Variants in GRID2 observed in about 807,000 individuals in gnomAD.
GRID2 encodes glutamate ionotropic receptor delta type subunit 2.
GRID2 carries 33 observed loss-of-function variants against 114.8 expected under a neutral mutation model. The observed-to-expected ratio is 0.29, with a 90% CI of 0.22 to 0.38. The LOEUF is 0.38. GRID2 is among the 10% of genes least tolerant of loss of function. GRID2 has a pLI of 1.00. For synonymous variants in GRID2, 505 were observed against 449.9 expected (o/e 1.12, Z -1.55); for missense variants, 1,184 against 1,257.7 (o/e 0.94, Z 0.89).
intron 2 of GRID2, among the ~76,000 whole-genome samples, chr4:92,644,784 TTC>T (rs1389202184): frequency 6.6e-6 from 1 of 151,602 alleles, no homozygotes; most frequent in Non-Finnish European, 1.5e-5. Flanking sequence ...CAAATAAACT[TTC>T]TCAAATTTAT....
intron 9 of GRID2, among the ~76,000 whole-genome samples, chr4:93,404,259 C>T (rs1046749383): frequency 6.6e-6 from 1 of 152,084 alleles, no homozygotes; most frequent in African/African-American, 2.4e-5. Flanking sequence ...TGACAGCTAA[C>T]AAGAGTGGCA....
At chr4:92,827,849 GTTTTCTTTCTTT>G (rs1297139022) in intron 2 of GRID2, among the ~76,000 whole-genome samples, 2 of 151,960 alleles carry the variant, frequency 1.3e-5, no homozygotes, top group African/African-American at 2.4e-5. Flanking sequence ...ATTGCTGACA[GTTTTCTTTCTTT>G]TTTAAACTTG....
chr4:93,140,545 A>G (rs146247151), intron 4 of GRID2, among the ~76,000 whole-genome samples: 2 of 152,222 alleles, frequency 1.3e-5, no homozygotes, highest in East Asian at 1.9e-4. Context: ...TATTCCTCCA[A>G]TGTATACAGT....
chr4:92,592,838 C>T (rs147588348), intron 2 of GRID2, among the ~76,000 whole-genome samples: 12 of 150,988 alleles, frequency 7.9e-5, no homozygotes, highest in African/African-American at 2.7e-4. Context: ...TTTTGTAAAA[C>T]GGTGGCTTGA....
At chr4:92,478,795 C>T (rs913524191) in intron 1 of GRID2, among the ~76,000 whole-genome samples, 1 of 152,028 alleles carries the variant, frequency 6.6e-6, no homozygotes, top group African/African-American at 2.4e-5. Flanking sequence ...TACGCCTCTC[C>T]CAATATAGAA....
At chr4:92,903,364 A>G (rs1034545833) in intron 2 of GRID2, among the ~76,000 whole-genome samples, 1 of 151,930 alleles carries the variant, frequency 6.6e-6, no homozygotes, top group Non-Finnish European at 1.5e-5. Flanking sequence ...ATTAATATCC[A>G]ATGCTCCTAG....
At chr4:92,798,963 T>G (rs1740021611) in intron 2 of GRID2, among the ~76,000 whole-genome samples, 2 of 152,002 alleles carry the variant, frequency 1.3e-5, no homozygotes, top group African/African-American at 4.8e-5. Flanking sequence ...CTGGATAGCT[T>G]AAACCAATGG....
chr4:92,592,580 A>G (rs1191717833), intron 2 of GRID2, among the ~76,000 whole-genome samples: 4 of 152,108 alleles, frequency 2.6e-5, no homozygotes, highest in Non-Finnish European at 4.4e-5. Flanking sequence ...AAGCAAATTG[A>G]GAGAGGCAAT....
At chr4:93,365,569 T>A (rs1487906442) in intron 8 of GRID2, among the ~76,000 whole-genome samples, 1 of 152,166 alleles carries the variant, frequency 6.6e-6, no homozygotes, top group African/African-American at 2.4e-5. Context: ...CCTCTCTACT[T>A]CCATAACCTT....
chr4:93,299,408 C>T (rs72874967), intron 8 of GRID2, among the ~76,000 whole-genome samples: 8,991 of 151,440 alleles, frequency 0.059, 751 homozygotes, highest in African/African-American at 0.19. Flanking sequence ...AGTATGTAAG[C>T]GCATTTTGCT....
chr4:93,632,745 T>C (rs544323200), intron 14 of GRID2, among the ~76,000 whole-genome samples: 3 of 152,210 alleles, frequency 2.0e-5, no homozygotes, highest in Admixed American at 6.5e-5. Context: ...TTTTTCCAAT[T>C]CTGTGAAGAA....
chr4:92,518,138 TCTC>T (rs1240277050), intron 1 of GRID2, among the ~76,000 whole-genome samples: 2 of 151,780 alleles, frequency 1.3e-5, no homozygotes, highest in African/African-American at 4.8e-5. Flanking sequence ...TCCCTTTTCT[TCTC>T]CTACTCTTCA....
At chr4:93,481,297 C>T (rs1725838258) in intron 11 of GRID2, among the ~76,000 whole-genome samples, 1 of 151,898 alleles carries the variant, frequency 6.6e-6, no homozygotes, top group African/African-American at 2.4e-5. Context: ...AGGTTGCTTC[C>T]AATAACAAGA....
chr4:92,991,170 G>A (rs550294908), intron 2 of GRID2, among the ~76,000 whole-genome samples: 50 of 152,240 alleles, frequency 3.3e-4, no homozygotes, highest in African/African-American at 1.1e-3. Context: ...CAGAGAATTG[G>A]TGTGAAACCC....
intron 14 of GRID2, among the ~76,000 whole-genome samples, chr4:93,711,112 T>TC (rs1728440808): frequency 6.6e-6 from 1 of 151,988 alleles, no homozygotes; most frequent in Non-Finnish European, 1.5e-5. Context: ...TCCTTTATAC[T>TC]CCTTCTTCCT....
intron 8 of GRID2, among the ~76,000 whole-genome samples, chr4:93,331,449 C>T (rs1296766315): frequency 6.6e-6 from 1 of 151,916 alleles, no homozygotes; most frequent in Non-Finnish European, 1.5e-5. Context: ...ACTCCTGATA[C>T]CACAACCTGA....
chr4:92,964,739 C>A (rs966079543), intron 2 of GRID2, among the ~76,000 whole-genome samples: 1 of 151,948 alleles, frequency 6.6e-6, no homozygotes, highest in Admixed American at 6.6e-5. Context: ...TCATCTGAAG[C>A]TTTCTGACCT....
Position 92,479,551 on chromosome 4 carries a change from T to C in GRID2, c.89-110580T>C, listed in dbSNP as rs1478148906. ...ATATTATTAGATTTGATGATGTTCT[T>C]TATTTTACATATGGGAAAACTGAGG... On this transcript the variant is annotated intron_variant, in intron 1 of 15. Coordinates refer to ENST00000282020, the MANE Select transcript of GRID2 (RefSeq NM_001510.4). 2.0e-5 allele frequency among the ~76,000 whole-genome samples: 3 copies of C among 152,170 alleles called. No individual in the cohort carries two copies. In the South Asian group the frequency reaches 6.2e-4, roughly 31 times the overall value.
chr4:92,802,906 A>C (rs1740243281), intron 2 of GRID2, among the ~76,000 whole-genome samples: 1 of 151,910 alleles, frequency 6.6e-6, no homozygotes, highest in African/African-American at 2.4e-5. Flanking sequence ...TCACTGCTGC[A>C]TTTTTCTATT....
Sources: allele counts gnomAD v4.1 joint callset (sites outside exome capture counted in the v4.1 genomes callset), GRCh38; gene constraint gnomAD v4.1.1; transcripts MANE v1.5; gene names NCBI Gene and HGNC (gene_info 2026-07-23, HGNC 2026-07-21).